The following ELMO1 variants were observed in gnomAD, a reference collection of about 807,000 sequenced individuals.
ELMO1 encodes engulfment and cell motility 1, also known as engulfment and cell motility protein 1.
A neutral mutation model predicts 98.9 loss-of-function variants in ELMO1; 26 were observed. The observed-to-expected ratio is 0.26, with a 90% CI of 0.19 to 0.36. The LOEUF is 0.36. Ranked by LOEUF, ELMO1 falls within the 10% of genes least tolerant of loss-of-function variation. The pLI, the probability that ELMO1 is intolerant of heterozygous loss-of-function variation, is 1.00. For synonymous variants in ELMO1, 346 were observed against 346.0 expected (o/e 1.00, Z 0.00); for missense variants, 627 against 935.2 (o/e 0.67, Z 4.30).
chr7:37,398,991 CTTCCTGG>C (rs1469443165), intron 1 of ELMO1, among the ~76,000 whole-genome samples: 4 of 152,190 alleles, frequency 2.6e-5, no homozygotes, highest in African/African-American at 9.7e-5. Flanking sequence ...GAGCCAATGC[CTTCCTGG>C]CACCTGTCAC....
intron 16 of ELMO1, among the ~76,000 whole-genome samples, chr7:36,936,646 T>C (rs1786558569): frequency 6.6e-6 from 1 of 152,048 alleles, no homozygotes; most frequent in African/African-American, 2.4e-5. Flanking sequence ...TTTGTAGAGA[T>C]GGGGTCTATG....
At position 37,256,303 on chromosome 7, in the gene ELMO1, C is replaced by T. The variant is rs141279970; in HGVS notation, c.413+2878G>A. On this transcript the variant is annotated intron_variant, in intron 6 of 21. Coordinates refer to ENST00000310758, the MANE Select transcript of ELMO1 (RefSeq NM_014800.11). ...TACCTGTCTACAGTTGACCCTTTCC[C>T]GATCACCCAGGCCTGTTTGTCGGTC... 4.2e-4 allele frequency among the ~76,000 whole-genome samples: 64 copies of T among 152,176 alleles called. No individual in the cohort carries two copies. In the East Asian group the frequency reaches 0.01, roughly 24 times the overall value.
At chr7:37,198,500 T>C (rs1792100603) in intron 13 of ELMO1, among the ~76,000 whole-genome samples, 1 of 152,206 alleles carries the variant, frequency 6.6e-6, no homozygotes, top group East Asian at 1.9e-4. Context: ...TCCAACTCAC[T>C]AATGAGGCAA....
chr7:37,176,539 T>C (rs1412766552), intron 13 of ELMO1, among the ~76,000 whole-genome samples: 1 of 152,154 alleles, frequency 6.6e-6, no homozygotes, highest in Non-Finnish European at 1.5e-5. Flanking sequence ...TACTTAAAAA[T>C]ATCAAAATAT....
chr7:37,091,763 C>G (rs1784106739), intron 15 of ELMO1, among the ~76,000 whole-genome samples: 1 of 152,144 alleles, frequency 6.6e-6, no homozygotes, highest in Non-Finnish European at 1.5e-5. Context: ...CACCACGTGG[C>G]TGGGGAGGCC....
chr7:36,971,666 G>T lies in ELMO1; in HGVS notation c.1437+41633C>A, dbSNP rs1379645699. On this transcript the variant is annotated intron_variant, in intron 16 of 21. Transcript: ENST00000310758. ...AAATTTACTCTTTGAAATGTGTTTG[G>T]TCAGCTGTGCTTGGCCTCTGTGACT... Among the ~76,000 whole-genome samples the T allele has an allele frequency of 2.0e-5, 3 of 152,150 alleles. No individual in the cohort carries two copies. In the East Asian group the frequency reaches 5.8e-4, roughly 29 times the overall value.
At chr7:37,232,128 G>T (rs1011050563) in intron 8 of ELMO1, among the ~76,000 whole-genome samples, 20 of 152,116 alleles carry the variant, frequency 1.3e-4, no homozygotes. Flanking sequence ...CCAATTTGCT[G>T]CAACTTTTCT....
At chr7:37,215,276 G>A (rs1192971613) in intron 11 of ELMO1, among the ~76,000 whole-genome samples, 2 of 152,114 alleles carry the variant, frequency 1.3e-5, no homozygotes, top group East Asian at 3.8e-4. Context: ...CATTACCACT[G>A]GCTTTGGGAT....
chr7:37,368,436 T>C (rs750332056), intron 1 of ELMO1, among the ~76,000 whole-genome samples: 6 of 152,206 alleles, frequency 3.9e-5, no homozygotes, highest in Non-Finnish European at 8.8e-5. Flanking sequence ...AGCTTTGGCA[T>C]GCTAAGTGCT....
intron 1 of ELMO1, among the ~76,000 whole-genome samples, chr7:37,398,274 A>G (rs11979905): frequency 0.11 from 17,099 of 152,274 alleles, 1,082 homozygotes; most frequent in African/African-American, 0.15. Flanking sequence ...GACACATAAC[A>G]TGCTAGTAAA....
chr7:37,241,703 C>T (rs2130691236), intron 7 of ELMO1, among the ~76,000 whole-genome samples: 1 of 152,152 alleles, frequency 6.6e-6, no homozygotes, highest in African/African-American at 2.4e-5. Flanking sequence ...ACAATGTGCA[C>T]CATTAGTATA....
chr7:37,231,008 A>T (rs1361949229), intron 8 of ELMO1, among the ~76,000 whole-genome samples: 2 of 152,236 alleles, frequency 1.3e-5, no homozygotes, highest in Non-Finnish European at 2.9e-5. Context: ...TGGCAATTCC[A>T]ACAGTTTCTT....
At chr7:37,053,743 C>T (rs1224652734) in intron 15 of ELMO1, among the ~76,000 whole-genome samples, 2 of 152,118 alleles carry the variant, frequency 1.3e-5, no homozygotes, top group Admixed American at 1.3e-4. Context: ...GGGTTGTCAA[C>T]AAAAATGCTT....
chr7:37,135,461 C>G (rs375712180), intron 13 of ELMO1, among the ~76,000 whole-genome samples: 16 of 152,290 alleles, frequency 1.1e-4, no homozygotes, highest in African/African-American at 3.6e-4. Flanking sequence ...ACCAAGGACC[C>G]GCACAGAGTC....
At chr7:36,895,895 C>G (rs1316637883) in intron 16 of ELMO1, among the ~76,000 whole-genome samples, 1 of 152,204 alleles carries the variant, frequency 6.6e-6, no homozygotes, top group East Asian at 1.9e-4. Flanking sequence ...TCTATGTTTT[C>G]TTTCTTTATC....
At chr7:37,069,067 T>G (rs1216487642) in intron 15 of ELMO1, among the ~76,000 whole-genome samples, 1 of 152,112 alleles carries the variant, frequency 6.6e-6, no homozygotes, top group Non-Finnish European at 1.5e-5. Flanking sequence ...AGTAGGACAC[T>G]CCTTCATTCC....
chr7:37,096,599 T>G lies in ELMO1; in HGVS notation c.1300+20A>C, dbSNP rs1486503660. 6.2e-7 allele frequency: 1 copy of G among 1,609,696 alleles called. No homozygotes were observed. Among genetic ancestry groups the G allele is most frequent in the African/African-American group, 1.3e-5 (1 of 74,816 alleles). On this transcript the variant is annotated intron_variant, in intron 15 of 21. Transcript: ENST00000310758. ...GGACTCTGCCAGCTTCACACCCATG[T>G]GGGAAATAAGTATACTTACGCAACT...
intron 15 of ELMO1, among the ~76,000 whole-genome samples, chr7:37,090,833 T>C (rs1047862546): frequency 1.3e-5 from 2 of 152,228 alleles, no homozygotes; most frequent in Non-Finnish European, 2.9e-5. Flanking sequence ...TATAATCATT[T>C]ATTTATGTGA....
At chr7:36,926,430 C>T (rs560574302) in intron 16 of ELMO1, among the ~76,000 whole-genome samples, 150 of 152,266 alleles carry the variant, frequency 9.9e-4, no homozygotes, top group African/African-American at 3.0e-3. Context: ...CTTTGTTCTT[C>T]AGTATTGCAG....
Sources: allele counts gnomAD v4.1 joint callset (sites outside exome capture counted in the v4.1 genomes callset), GRCh38; gene constraint gnomAD v4.1.1; transcripts MANE v1.5; gene names NCBI Gene and HGNC (gene_info 2026-07-23, HGNC 2026-07-21).